Variants in CDK14 observed in about 807,000 individuals in gnomAD.
CDK14 encodes the protein cyclin-dependent kinase 14.
In CDK14, 34 loss-of-function variants were observed where a neutral mutation model predicts 60.7. That is an observed-to-expected ratio of 0.56 (90% CI 0.43 to 0.75). The LOEUF (loss-of-function observed/expected upper bound fraction) is 0.75. Ranked by LOEUF, CDK14 falls within the 30% of genes least tolerant of loss-of-function variation. The pLI is 0.00. For missense variants in CDK14, 482 were observed against 564.1 expected, an observed-to-expected ratio of 0.85 and a Z score of 1.47; for synonymous variants, 197 against 203.7, an observed-to-expected ratio of 0.97 and a Z score of 0.28.
chr7:90,642,221 G>A (rs1037843832), intron 2 of CDK14, among the ~76,000 whole-genome samples: 3 of 152,170 alleles, frequency 2.0e-5, no homozygotes, highest in African/African-American at 7.2e-5. Flanking sequence ...ATTTTTAAGA[G>A]TCTGTGTTTA....
At chr7:90,834,454 T>G (rs1170319190) in intron 5 of CDK14, among the ~76,000 whole-genome samples, 1 of 152,154 alleles carries the variant, frequency 6.6e-6, no homozygotes, top group Non-Finnish European at 1.5e-5. Context: ...TAGGGCCTTG[T>G]GTATGAAAGA....
intron 8 of CDK14, among the ~76,000 whole-genome samples, chr7:90,947,844 AAT>A (rs1486764053): frequency 6.6e-6 from 1 of 152,180 alleles, no homozygotes; most frequent in East Asian, 1.9e-4. Context: ...TGTCATTTTA[AAT>A]ATGTATGTAT....
intron 2 of CDK14, among the ~76,000 whole-genome samples, chr7:90,654,277 A>G (rs1415001940): frequency 6.6e-6 from 1 of 152,162 alleles, no homozygotes; most frequent in Non-Finnish European, 1.5e-5. Context: ...TAATAATGGA[A>G]ATGAAAACTA....
chr7:90,966,538 CAT>C (rs897900788), intron 9 of CDK14, among the ~76,000 whole-genome samples: 11 of 152,280 alleles, frequency 7.2e-5, no homozygotes, highest in African/African-American at 2.6e-4. Context: ...CTGATGGTCA[CAT>C]AGATCAGTAA....
intron 14 of CDK14, among the ~76,000 whole-genome samples, chr7:91,203,828 A>G (rs1027272461): frequency 1.3e-5 from 2 of 152,186 alleles, no homozygotes; most frequent in Admixed American, 6.5e-5. Flanking sequence ...TTGAAGTACT[A>G]TGAGGATGAG....
chr7:90,610,389 A>G (rs914386839), intron 2 of CDK14, among the ~76,000 whole-genome samples: 1 of 152,050 alleles, frequency 6.6e-6, no homozygotes, highest in Admixed American at 6.6e-5. Context: ...ACCATCTTGC[A>G]TTTGTGTCCT....
intron 2 of CDK14, among the ~76,000 whole-genome samples, chr7:90,696,326 A>ACTTCTTCTTCTT (rs149069653): frequency 0.024 from 2,094 of 88,158 alleles, 313 homozygotes; most frequent in Middle Eastern, 0.039. Flanking sequence ...TTGGTTTTGT[A>ACTTCTTCTTCTT]CTTCTTCTTC....
At chr7:91,023,300 A>G (rs540801405) in intron 10 of CDK14, among the ~76,000 whole-genome samples, 94 of 152,306 alleles carry the variant, frequency 6.2e-4, no homozygotes, top group African/African-American at 2.0e-3. Flanking sequence ...TCCTAGTACC[A>G]TAAACCCTAA....
intron 2 of CDK14, among the ~76,000 whole-genome samples, chr7:90,678,522 TTGAAA>T (rs1337370687): frequency 6.6e-5 from 10 of 152,250 alleles, no homozygotes; most frequent in African/African-American, 2.4e-4. Context: ...TCAGTGTTTA[TTGAAA>T]TGAACTGAAA....
At chr7:90,966,916 T>C (rs897485374) in intron 9 of CDK14, among the ~76,000 whole-genome samples, 2 of 152,214 alleles carry the variant, frequency 1.3e-5, no homozygotes, top group Admixed American at 1.3e-4. Context: ...ACAGGTTACC[T>C]CTCAAGTACT....
chr7:91,123,275 G>A (rs1338460139), intron 14 of CDK14, among the ~76,000 whole-genome samples: 1 of 152,062 alleles, frequency 6.6e-6, no homozygotes, highest in Non-Finnish European at 1.5e-5. Flanking sequence ...GAAGATTTCT[G>A]GGGTTTTTCC....
intron 10 of CDK14, among the ~76,000 whole-genome samples, chr7:91,027,874 CCCTCCCCTCTCCTCTCCTCT>C (rs1305729546): frequency 1.6e-4 from 1 of 6,442 alleles, no homozygotes; most frequent in Non-Finnish European, 2.6e-4. Context: ...CCCTCCCCTC[CCCTCCCCTCTCCTCTCCTCT>C]CCTCTCCCCT....
chr7:90,950,403 C>T (rs1794221474), intron 8 of CDK14, among the ~76,000 whole-genome samples: 1 of 152,126 alleles, frequency 6.6e-6, no homozygotes, highest in African/African-American at 2.4e-5. Context: ...AAAGGTAGAT[C>T]ATTTATTGTC....
chr7:91,022,274 G>A (rs373029325), intron 10 of CDK14, among the ~76,000 whole-genome samples: 7 of 152,086 alleles, frequency 4.6e-5, no homozygotes, highest in East Asian at 1.9e-4. Flanking sequence ...TGTTCTCTTC[G>A]TAAAGGCTCA....
intron 11 of CDK14, among the ~76,000 whole-genome samples, chr7:91,054,088 A>ATTTTTTTTTTTTTT (rs10675646): frequency 4.4e-5 from 5 of 112,946 alleles, no homozygotes; most frequent in African/African-American, 7.3e-5. Flanking sequence ...CTGCAAAATA[A>ATTTTTTTTTTTTTT]TTTTTTTTTT....
chr7:90,760,140 C>T (rs950809103), intron 4 of CDK14, among the ~76,000 whole-genome samples: 1 of 152,174 alleles, frequency 6.6e-6, no homozygotes, highest in African/African-American at 2.4e-5. Flanking sequence ...TGAGAGACTA[C>T]ACCAAACCAA....
chr7:90,677,452 A>T (rs1801225756), intron 2 of CDK14, among the ~76,000 whole-genome samples: 1 of 152,158 alleles, frequency 6.6e-6, no homozygotes, highest in Non-Finnish European at 1.5e-5. Flanking sequence ...ATTGTGTTGC[A>T]GGCTGTTAAT....
chr7:91,190,904 G>T (rs951140135), intron 14 of CDK14, among the ~76,000 whole-genome samples: 23 of 152,134 alleles, frequency 1.5e-4, no homozygotes, highest in African/African-American at 5.3e-4. Context: ...AACATAGCTT[G>T]AAAACTTCAG....
chr7:90,846,120 A>G lies in CDK14; in HGVS notation c.545-17055A>G, dbSNP rs546977256. Among the ~76,000 whole-genome samples the G allele has an allele frequency of 3.9e-5, 6 of 152,290 alleles. No individual in the cohort carries two copies. In the East Asian group the frequency reaches 5.8e-4, roughly 15 times the overall value. ...AACATTTTGGTTTTCAACCAAAATA[A>G]ACTACATATTTTCCCATCTGTGACT... is the stretch of plus-strand genomic sequence containing the variant. On this transcript the variant is annotated intron_variant, in intron 5 of 14. Transcript: ENST00000380050.
Sources: allele counts gnomAD v4.1 joint callset (sites outside exome capture counted in the v4.1 genomes callset), GRCh38; gene constraint gnomAD v4.1.1; transcripts MANE v1.5; gene names NCBI Gene and HGNC (gene_info 2026-07-23, HGNC 2026-07-21).